Variants in FBXL17 observed in about 807,000 individuals in gnomAD.
FBXL17 encodes F-box/LRR-repeat protein 17.
FBXL17 carries 22 observed loss-of-function variants against 66.2 expected under a neutral mutation model. The observed-to-expected ratio is 0.33, with a 90% confidence interval of 0.24 to 0.47. The LOEUF (loss-of-function observed/expected upper bound fraction) is 0.47, where lower values mean the gene tolerates loss of function less well. FBXL17 is among the 20% of genes least tolerant of loss of function. FBXL17 has a pLI of 1.00. For missense variants in FBXL17, 878 were observed against 948.2 expected (o/e 0.93, Z 0.97); for synonymous variants, 474 against 400.5 (o/e 1.18, Z -2.19).
chr5:108,057,169 T>C (rs1747741777), intron 6 of FBXL17, among the ~76,000 whole-genome samples: 2 of 152,276 alleles, frequency 1.3e-5, no homozygotes, highest in South Asian at 4.1e-4. Flanking sequence ...GTAAGATAAA[T>C]ATAATACATG....
chr5:108,060,682 A>G (rs557407923), intron 6 of FBXL17, among the ~76,000 whole-genome samples: 2 of 152,012 alleles, frequency 1.3e-5, no homozygotes, highest in South Asian at 2.1e-4. Flanking sequence ...TCTCTCTCAG[A>G]CCCTGTCTTC....
At chr5:107,927,400 A>T (rs1364072911) in intron 7 of FBXL17, among the ~76,000 whole-genome samples, 9 of 152,156 alleles carry the variant, frequency 5.9e-5, no homozygotes. Flanking sequence ...GATGTTGTAG[A>T]CGGCCAAGCA....
intron 3 of FBXL17, among the ~76,000 whole-genome samples, chr5:108,352,264 C>T (rs1031801849): frequency 7.2e-5 from 11 of 152,236 alleles, no homozygotes; most frequent in African/African-American, 2.4e-4. Flanking sequence ...CTCACCATTA[C>T]GCCATCCACA....
chr5:108,219,928 CTTTTTTT>C, intron 5 of FBXL17, among the ~76,000 whole-genome samples: 16 of 37,458 alleles, frequency 4.3e-4, no homozygotes, highest in South Asian at 1.4e-3. Flanking sequence ...TTACTATTTC[CTTTTTTT>C]TTTTTTTTTT....
chr5:107,931,586 G>T (rs1388971158), intron 7 of FBXL17, among the ~76,000 whole-genome samples: 7 of 151,858 alleles, frequency 4.6e-5, no homozygotes. Context: ...ATTTATACAG[G>T]TATCTTTCTA....
At chr5:108,329,530 C>G (rs1023930707) in intron 4 of FBXL17, among the ~76,000 whole-genome samples, 5 of 152,010 alleles carry the variant, frequency 3.3e-5, no homozygotes, top group African/African-American at 1.2e-4. Flanking sequence ...TAGAATAATG[C>G]CAAAACTCAA....
chr5:108,005,025 T>C (rs557296693), intron 7 of FBXL17, among the ~76,000 whole-genome samples: 1 of 152,188 alleles, frequency 6.6e-6, no homozygotes, highest in South Asian at 2.1e-4. Context: ...TAGGGGATAC[T>C]GGGTGCCTGT....
intron 6 of FBXL17, among the ~76,000 whole-genome samples, chr5:108,095,734 G>T (rs1430222607): frequency 2.0e-5 from 3 of 151,996 alleles, no homozygotes. Context: ...TTCATAATAA[G>T]AACTAATATG....
At chr5:107,878,088 T>C (rs1052776684) in intron 8 of FBXL17, 1 of 252,028 alleles carries the variant, frequency 4.0e-6, no homozygotes, top group African/African-American at 2.3e-5. Flanking sequence ...TCATACCAAA[T>C]ACTAAGTGTC....
At chr5:107,988,640 A>G (rs1011434797) in intron 7 of FBXL17, among the ~76,000 whole-genome samples, 1 of 152,062 alleles carries the variant, frequency 6.6e-6, no homozygotes, top group Non-Finnish European at 1.5e-5. Context: ...TTGATAATAG[A>G]TCAAATTTGG....
At chr5:108,122,742 T>C (rs1160581623) in intron 6 of FBXL17, among the ~76,000 whole-genome samples, 1 of 152,204 alleles carries the variant, frequency 6.6e-6, no homozygotes, top group African/African-American at 2.4e-5. Context: ...GAATTATTTA[T>C]CTGCAAAAAG....
rs572557115 is a variant in FBXL17 at position 107,877,478 on chromosome 5, C to T, written c.1965+3559G>A. 5.9e-5 allele frequency among the ~76,000 whole-genome samples: 9 copies of T among 152,236 alleles called. No homozygotes were observed. In the East Asian group the frequency reaches 1.7e-3, roughly 29 times the overall value. Reference sequence around the variant, plus strand: ...GCATTTTGTTATTCTTACAATTCCTCAAAAGGTGAAATGAGGAAAAAAGCA... The same window carrying T: ...GCATTTTGTTATTCTTACAATTCCTTAAAAGGTGAAATGAGGAAAAAAGCA... On this transcript the variant is annotated intron_variant, in intron 8 of 8. Transcript: ENST00000542267.
At chr5:107,917,867 A>G (rs1323833220) in intron 7 of FBXL17, among the ~76,000 whole-genome samples, 2 of 152,250 alleles carry the variant, frequency 1.3e-5, no homozygotes, top group Non-Finnish European at 2.9e-5. Flanking sequence ...AACAAACTCA[A>G]TAACTTACAT....
chr5:108,179,325 TGA>T (rs1260354098), intron 6 of FBXL17, among the ~76,000 whole-genome samples: 6 of 152,150 alleles, frequency 3.9e-5, no homozygotes, highest in Admixed American at 3.3e-4. Flanking sequence ...AAAGCCACGT[TGA>T]GTTTTACATG....
chr5:108,366,948 C>T (rs1227308057), intron 2 of FBXL17, among the ~76,000 whole-genome samples: 1 of 151,952 alleles, frequency 6.6e-6, no homozygotes, highest in Non-Finnish European at 1.5e-5. Context: ...ATAGTGTGCC[C>T]CTCTTTTCAA....
At position 108,301,567 on chromosome 5, in the gene FBXL17, C is replaced by T. The variant is rs369727814; in HGVS notation, c.1506+46832G>A. 9.8e-4 allele frequency among the ~76,000 whole-genome samples: 149 copies of T among 151,816 alleles called. 4 individuals are homozygous for T. In the South Asian group the frequency reaches 0.03, roughly 31 times the overall value. On this transcript the variant is annotated intron_variant, in intron 4 of 8. Transcript: ENST00000542267. ...AACAAAAATGAACTGTGGTTAACTT[C>T]TAGGGCAGTTGTTTGTTTTAAATTG...
At chr5:108,236,171 C>T (rs2150092925) in intron 4 of FBXL17, among the ~76,000 whole-genome samples, 1 of 152,136 alleles carries the variant, frequency 6.6e-6, no homozygotes, top group Middle Eastern at 3.4e-3. Flanking sequence ...GACCATACTG[C>T]TGCACTCCAG....
At chr5:108,048,210 G>A (rs1213998458) in intron 6 of FBXL17, among the ~76,000 whole-genome samples, 2 of 152,082 alleles carry the variant, frequency 1.3e-5, no homozygotes, top group African/African-American at 4.8e-5. Flanking sequence ...TACAGGAGAG[G>A]GACCTGACCA....
chr5:107,994,568 G>A (rs1324857781), intron 7 of FBXL17, among the ~76,000 whole-genome samples: 1 of 152,092 alleles, frequency 6.6e-6, no homozygotes, highest in Non-Finnish European at 1.5e-5. Flanking sequence ...GGCTGGGCAC[G>A]GTGGCTCATG....
Sources: gnomAD v4.1 joint callset for allele counts (sites outside exome capture counted in the v4.1 genomes callset) on GRCh38, gnomAD v4.1.1 for gene constraint, MANE v1.5 for transcripts, NCBI Gene and HGNC (gene_info 2026-07-23, HGNC 2026-07-21) for gene names.